CSMD1: variants seen among roughly 807,000 people sequenced by gnomAD.
The protein encoded by CSMD1 is CUB and Sushi multiple domains 1.
In CSMD1, 213 loss-of-function variants were observed where a neutral mutation model predicts 417.5. That is an observed-to-expected ratio of 0.51 (90% confidence interval 0.46 to 0.57). The LOEUF (loss-of-function observed/expected upper bound fraction) is 0.57. Ranked by LOEUF, CSMD1 falls within the 20% of genes least tolerant of loss-of-function variation. The pLI, the probability that CSMD1 is intolerant of heterozygous loss-of-function variation, is 0.00. For missense variants in CSMD1, 6,923 were observed against 4,529.7 expected (o/e 1.53, Z -15.17); for synonymous variants, 2,862 against 1,736.8 (o/e 1.65, Z -16.11).
intron 50 of CSMD1, among the ~76,000 whole-genome samples, chr8:3,035,837 C>T: frequency 6.6e-6 from 1 of 152,208 alleles, no homozygotes; most frequent in East Asian, 1.9e-4. Flanking sequence ...TATATTTCTT[C>T]TTTTTTATTT....
At chr8:3,060,395 C>T (rs1812515376) in intron 49 of CSMD1, among the ~76,000 whole-genome samples, 2 of 151,438 alleles carry the variant, frequency 1.3e-5, no homozygotes, top group South Asian at 2.1e-4. Context: ...ACTCCTTGAA[C>T]TCCTGAACTC....
intron 25 of CSMD1, among the ~76,000 whole-genome samples, chr8:3,292,886 T>A (rs1365316966): frequency 6.6e-6 from 1 of 152,126 alleles, no homozygotes; most frequent in South Asian, 2.1e-4. Context: ...TAGCTGGTTA[T>A]TTTGCTCGTT....
At chr8:4,426,781 G>A (rs577555249) in intron 2 of CSMD1, among the ~76,000 whole-genome samples, 3 of 141,144 alleles carry the variant, frequency 2.1e-5, no homozygotes, top group Non-Finnish European at 4.8e-5. Flanking sequence ...CAATACAGAT[G>A]ATATTATATA....
chr8:4,187,403 T>G (rs1168924164), intron 3 of CSMD1, among the ~76,000 whole-genome samples: 2 of 152,054 alleles, frequency 1.3e-5, no homozygotes, highest in Non-Finnish European at 2.9e-5. Context: ...TCCCAGCACT[T>G]TGGGAGGCCA....
Position 3,632,915 on chromosome 8 carries a change from G to C in CSMD1, c.1010-16118C>G, listed in dbSNP as rs1175738647. On this transcript the variant is annotated intron_variant, in intron 7 of 69. Coordinates refer to ENST00000635120, the MANE Select transcript of CSMD1 (RefSeq NM_033225.6). ...ATGGCAGACAACAAAATGAAGCAAG[G>C]GGCTTCAAAATTATAATGATCATTT... Among the ~76,000 whole-genome samples, 7 of 152,256 alleles carry C rather than the reference G, an allele frequency of 4.6e-5. No individual in the cohort carries two copies. The South Asian group carries it at 8.3e-4, about 18-fold the overall frequency.
intron 6 of CSMD1, among the ~76,000 whole-genome samples, chr8:3,719,919 C>G (rs146021210): frequency 6.6e-6 from 1 of 152,084 alleles, no homozygotes; most frequent in Non-Finnish European, 1.5e-5. Flanking sequence ...TTAAAAATGC[C>G]TCTAAATCGC....
intron 18 of CSMD1, among the ~76,000 whole-genome samples, chr8:3,371,104 C>T (rs1031402668): frequency 6.6e-6 from 1 of 152,196 alleles, no homozygotes; most frequent in African/African-American, 2.4e-5. Context: ...TCTTCAGCTC[C>T]CCTGGTTCCC....
At chr8:4,795,025 T>C (rs1475956138) in intron 1 of CSMD1, among the ~76,000 whole-genome samples, 3 of 131,758 alleles carry the variant, frequency 2.3e-5, no homozygotes, top group Admixed American at 8.5e-5. Flanking sequence ...CAAAGAAAGA[T>C]GTGGGGGGTG....
chr8:3,088,672 T>C (rs1035944879), intron 48 of CSMD1, among the ~76,000 whole-genome samples: 2 of 151,974 alleles, frequency 1.3e-5, no homozygotes, highest in African/African-American at 4.8e-5. Context: ...GAAAATCCAC[T>C]ACCATAAGAA....
intron 5 of CSMD1, among the ~76,000 whole-genome samples, chr8:3,916,315 T>C (rs532405748): frequency 6.6e-6 from 1 of 152,258 alleles, no homozygotes; most frequent in East Asian, 1.9e-4. Context: ...TTCTCAGCAC[T>C]ACGCCGGATA....
intron 6 of CSMD1, among the ~76,000 whole-genome samples, chr8:3,723,000 G>A (rs1045410362): frequency 2.0e-5 from 3 of 152,138 alleles, no homozygotes; most frequent in Admixed American, 6.5e-5. Context: ...AATTCTGCAG[G>A]TGAAGCTCAG....
intron 3 of CSMD1, among the ~76,000 whole-genome samples, chr8:4,046,233 GTC>G (rs1231960609): frequency 1.3e-5 from 2 of 152,070 alleles, no homozygotes; most frequent in African/African-American, 4.8e-5. Context: ...CAATATAAAG[GTC>G]ATGTGGCATT....
chr8:4,426,645 T>C (rs1385843693), intron 2 of CSMD1, among the ~76,000 whole-genome samples: 1 of 147,180 alleles, frequency 6.8e-6, no homozygotes, highest in African/African-American at 2.5e-5. Context: ...TAATATTTTG[T>C]TATTCATATT....
intron 2 of CSMD1, among the ~76,000 whole-genome samples, chr8:4,545,673 T>A (rs181160315): frequency 4.6e-5 from 7 of 152,278 alleles, no homozygotes; most frequent in Non-Finnish European, 2.9e-5. Context: ...CAGTGTGCAG[T>A]GAGACATGCT....
chr8:3,277,980 T>G (rs1444516849), intron 26 of CSMD1, among the ~76,000 whole-genome samples: 2 of 152,164 alleles, frequency 1.3e-5, no homozygotes, highest in African/African-American at 2.4e-5. Context: ...TGCAGAAACC[T>G]TCGTGGGTAT....
intron 2 of CSMD1, among the ~76,000 whole-genome samples, chr8:4,464,220 A>G (rs1292900002): frequency 2.0e-5 from 3 of 152,146 alleles, no homozygotes; most frequent in Non-Finnish European, 4.4e-5. Flanking sequence ...TTTGGATTTC[A>G]CTGCCTCTTA....
At chr8:4,524,687 T>A (rs1180573829) in intron 2 of CSMD1, among the ~76,000 whole-genome samples, 2 of 150,138 alleles carry the variant, frequency 1.3e-5, no homozygotes, top group African/African-American at 4.9e-5. Flanking sequence ...AGACAATAAA[T>A]ACGCCCAGAG....
chr8:4,003,974 A>G (rs774188476), intron 4 of CSMD1, among the ~76,000 whole-genome samples: 1 of 152,216 alleles, frequency 6.6e-6, no homozygotes, highest in East Asian at 1.9e-4. Flanking sequence ...ACTGGAAAAC[A>G]TTCAGAGACT....
At chr8:4,437,549 T>G (rs2129642889) in intron 2 of CSMD1, among the ~76,000 whole-genome samples, 1 of 152,350 alleles carries the variant, frequency 6.6e-6, no homozygotes, top group African/African-American at 2.4e-5. Flanking sequence ...ATATTACAGT[T>G]TCTGCAGATA....
Sources: gnomAD v4.1 joint callset for allele counts (sites outside exome capture counted in the v4.1 genomes callset) on GRCh38, gnomAD v4.1.1 for gene constraint, MANE v1.5 for transcripts, NCBI Gene and HGNC (gene_info 2026-07-23, HGNC 2026-07-21) for gene names.